The following RBFOX1 variants were observed in gnomAD, a reference collection of about 807,000 sequenced individuals.
RBFOX1 encodes RNA binding protein fox-1 homolog 1.
RBFOX1 carries 8 observed loss-of-function variants against 57.7 expected under a neutral mutation model. That is an observed-to-expected ratio of 0.14 (90% CI 0.08 to 0.25). RBFOX1 has a LOEUF of 0.25. Among genes scored for constraint, RBFOX1 ranks in the 10% least tolerant of loss-of-function variants. The pLI is 1.00. For missense variants in RBFOX1, 611 were observed against 548.5 expected (o/e 1.11, Z -1.14); for synonymous variants, 326 against 222.4 (o/e 1.47, Z -4.15).
rs184460745 is a variant in RBFOX1 at position 5,832,904 on chromosome 16, T to C, written c.319-34399T>C. 3.5e-4 allele frequency among the ~76,000 whole-genome samples: 54 copies of C among 152,318 alleles called. 1 individual carries two copies. Among genetic ancestry groups the C allele is most frequent in the African/African-American group, 1.3e-3 (54 of 41,572 alleles). On this transcript the variant is annotated intron_variant, in intron 3 of 19. Coordinates refer to the RBFOX1 transcript ENST00000641259. ...TAAGGTTAAAGGGTCCTCAGAGACT[T>C]CTTGGGTATCCCCAGGCTGTAGAAA...
At chr16:6,720,496 G>A (rs1176955734) in intron 3 of RBFOX1, among the ~76,000 whole-genome samples, 1 of 152,190 alleles carries the variant, frequency 6.6e-6, no homozygotes, top group Non-Finnish European at 1.5e-5. Flanking sequence ...TTCAAGAGGA[G>A]CCAGCCAGGG....
chr16:7,006,320 A>G (rs2093294978), intron 3 of RBFOX1, among the ~76,000 whole-genome samples: 1 of 151,978 alleles, frequency 6.6e-6, no homozygotes, highest in African/African-American at 2.4e-5. Context: ...ATACCCAGCT[A>G]ATTTTTGTAT....
chr16:7,225,699 G>C (rs953642973), intron 4 of RBFOX1, among the ~76,000 whole-genome samples: 5 of 137,302 alleles, frequency 3.6e-5, no homozygotes, highest in African/African-American at 8.3e-5. Flanking sequence ...AATAGAATTG[G>C]CGTTTGTCAA....
At chr16:7,255,109 G>C (rs1420362405) in intron 4 of RBFOX1, among the ~76,000 whole-genome samples, 3 of 152,056 alleles carry the variant, frequency 2.0e-5, no homozygotes, top group African/African-American at 7.2e-5. Context: ...TCCCCAATGT[G>C]CCAAAAATAA....
chr16:6,856,787 G>A (rs543978033), intron 3 of RBFOX1, among the ~76,000 whole-genome samples: 1 of 152,272 alleles, frequency 6.6e-6, no homozygotes, highest in African/African-American at 2.4e-5. Flanking sequence ...CTAAGGAGAT[G>A]TGTGTAACAG....
At chr16:6,558,880 G>A (rs2097141121) in intron 2 of RBFOX1, among the ~76,000 whole-genome samples, 1 of 149,126 alleles carries the variant, frequency 6.7e-6, no homozygotes, top group African/African-American at 2.5e-5. Flanking sequence ...GGGACGTTGT[G>A]AGCATTCTGC....
intron 2 of RBFOX1, among the ~76,000 whole-genome samples, chr16:6,409,696 C>T (rs965138491): frequency 8.5e-5 from 13 of 152,084 alleles, no homozygotes; most frequent in South Asian, 8.3e-4. Context: ...AAAAAGGTTT[C>T]GGCTAAAATT....
intron 4 of RBFOX1, among the ~76,000 whole-genome samples, chr16:6,000,526 A>G (rs1007639553): frequency 6.6e-6 from 1 of 152,180 alleles, no homozygotes; most frequent in African/African-American, 2.4e-5. Context: ...TGTACGCAAA[A>G]TAAGGGCGAA....
At chr16:6,371,834 A>T (rs2090467393) in intron 2 of RBFOX1, among the ~76,000 whole-genome samples, 2 of 152,236 alleles carry the variant, frequency 1.3e-5, no homozygotes. Flanking sequence ...TCTTCCCAAC[A>T]GGATACATTA....
chr16:7,094,536 G>C (rs2061373110), intron 4 of RBFOX1, among the ~76,000 whole-genome samples: 1 of 151,950 alleles, frequency 6.6e-6, no homozygotes, highest in African/African-American at 2.4e-5. Flanking sequence ...ATCTTCTCCT[G>C]ATGTTATCAT....
chr16:6,849,358 C>A (rs1238453284), intron 3 of RBFOX1, among the ~76,000 whole-genome samples: 1 of 152,136 alleles, frequency 6.6e-6, no homozygotes, highest in East Asian at 1.9e-4. Flanking sequence ...AAAATATAGT[C>A]TTATACTTTA....
chr16:6,462,138 G>A (rs901071394), intron 2 of RBFOX1, among the ~76,000 whole-genome samples: 2 of 152,034 alleles, frequency 1.3e-5, no homozygotes, highest in South Asian at 2.1e-4. Flanking sequence ...TGAAAGAAAA[G>A]CAACTAATAT....
chr16:7,500,556 A>G (rs1379518336), intron 4 of RBFOX1, among the ~76,000 whole-genome samples: 1 of 152,152 alleles, frequency 6.6e-6, no homozygotes, highest in East Asian at 1.9e-4. Context: ...GTCGGGTCAT[A>G]TGGATGAAAA....
intron 1 of RBFOX1, among the ~76,000 whole-genome samples, chr16:5,376,024 C>T (rs769378783): frequency 1.1e-4 from 17 of 152,002 alleles, no homozygotes; most frequent in East Asian, 7.8e-4. Flanking sequence ...AAAAATTAGC[C>T]GGGCTTGGTG....
chr16:7,405,906 G>A (rs539186858), intron 4 of RBFOX1, among the ~76,000 whole-genome samples: 5 of 152,102 alleles, frequency 3.3e-5, no homozygotes, highest in African/African-American at 4.8e-5. Context: ...GGGTGCATTT[G>A]GCCATGTCCA....
chr16:7,418,600 T>G (rs2098507516), intron 4 of RBFOX1, among the ~76,000 whole-genome samples: 1 of 152,246 alleles, frequency 6.6e-6, no homozygotes, highest in Admixed American at 6.5e-5. Context: ...AAACAATATT[T>G]GGCTGAACTG....
intron 4 of RBFOX1, among the ~76,000 whole-genome samples, chr16:7,177,880 G>T (rs192745934): frequency 2.6e-5 from 4 of 152,334 alleles, no homozygotes; most frequent in Admixed American, 6.5e-5. Flanking sequence ...GATTTGGCCT[G>T]TGGGTTGTGG....
chr16:7,451,859 G>A (rs748254655), intron 4 of RBFOX1, among the ~76,000 whole-genome samples: 2 of 152,158 alleles, frequency 1.3e-5, no homozygotes, highest in African/African-American at 4.8e-5. Context: ...AGTGGGGTTT[G>A]TGGGGGTTCA....
In RBFOX1 at chr16:5,298,307, C is replaced by G. The variant is rs534840149; in HGVS notation, c.219+58202C>G. ...GTAAATTCTATAGTGAGAGGTGTAA[C>G]AAGAGACTGTATTTAATTTTGAAGT... On this transcript the variant is annotated intron_variant, in intron 1 of 2. Transcript: ENST00000585867. Among the ~76,000 whole-genome samples, 214 of 152,274 alleles carry G rather than the reference C, an allele frequency of 1.4e-3. 3 individuals are homozygous for G. The highest frequency in any genetic ancestry group is 2.9e-3 in the Admixed American group (45 of 15,300).
Sources: allele counts gnomAD v4.1 joint callset (sites outside exome capture counted in the v4.1 genomes callset), GRCh38; gene constraint gnomAD v4.1.1; transcripts MANE v1.5; gene names NCBI Gene and HGNC (gene_info 2026-07-23, HGNC 2026-07-21).